Variants in PUS1 observed in about 807,000 individuals in gnomAD.
The protein encoded by PUS1 is pseudouridylate synthase 1 homolog.
In PUS1, 25 loss-of-function variants were observed where a neutral mutation model predicts 38.5. The observed-to-expected ratio is 0.65, with a 90% CI of 0.47 to 0.91. The LOEUF is 0.91. Among genes scored for constraint, PUS1 ranks in the 40% least tolerant of loss-of-function variants. PUS1 has a pLI of 0.00. For synonymous variants in PUS1, 282 were observed against 260.4 expected, an observed-to-expected ratio of 1.08 and a Z score of -0.80; for missense variants, 597 against 612.3, an observed-to-expected ratio of 0.97 and a Z score of 0.26.
In PUS1 at chr12:131,930,042, G is replaced by C. The variant is rs751427304; in HGVS notation, c.210G>C (p.Lys70Asn). The C allele has an allele frequency of 7.6e-6, 11 of 1,453,660 alleles. No homozygotes were observed. Among genetic ancestry groups the C allele is most frequent in the Non-Finnish European group, 1.0e-5 (11 of 1,105,388 alleles). The allele number at this position is 1,453,660 out of a possible 1,614,324, so 90.0% of individuals were successfully genotyped here. The stretch of plus-strand genomic sequence containing the variant: ...GAGAACATCCGGCGAAGAAGCTCAA[G>C]AGCGGTGGCGACGAGGAGCGGCGCG... ...EDGEHPAKKL[K>N]SGGDEERREK... The change falls in exon 2 of 6, where the codon AAG (lysine) becomes AAC (asparagine). Residue 70 changes from lysine to asparagine, a missense_variant. Coordinates refer to ENST00000376649, the MANE Select transcript of PUS1 (RefSeq NM_025215.6).
chr12:131,941,009 G>C lies in PUS1; in HGVS notation c.545-283G>C. 4.0e-6 allele frequency: 2 copies of C among 498,542 alleles called. No individual in the cohort carries two copies. The highest frequency in any genetic ancestry group is 7.3e-6 in the Non-Finnish European group (2 of 274,486). The allele number at this position is 498,542 out of a possible 1,614,324, so 30.9% of individuals were successfully genotyped here. A position where few individuals can be genotyped will look rare whatever the true frequency, so the allele number is the denominator to read the frequency against. On this transcript the variant is annotated intron_variant, in intron 4 of 5. Transcript: ENST00000376649. The surrounding 1 kb of genome is among the most constrained non-coding windows in gnomAD (Gnocchi z 4.4). The stretch of plus-strand genomic sequence containing the variant: ...CACTCCAAGCATGTATCATTTCTTT[G>C]TGTTGGAGACATTCCGTATCTTCTC...
In PUS1 at chr12:131,943,554, G is replaced by A; in HGVS notation, c.1252G>A (p.Glu418Lys). ...TCTTCTGCAGGTGCCCAGTCCCCTG[G>A]AAGGCAGTGAAGGGGACGGAGACAC... ...GTGAKVPSPL[E>K]GSEGDGDTD The change falls in exon 6 of 6, where the codon GAA (glutamate) becomes AAA (lysine). Residue 418 changes from glutamate (E) to lysine (K), a missense_variant. By Grantham distance (56) the Glu-to-Lys change is moderately conservative. Transcript: ENST00000376649. 1 of 1,613,754 alleles carries A rather than the reference G, an allele frequency of 6.2e-7. No individual in the cohort carries two copies. The highest frequency in any genetic ancestry group is 8.5e-7 in the Non-Finnish European group (1 of 1,179,746).
Position 131,941,667 on chromosome 12 carries a change from G to C in PUS1, c.920G>C (p.Gly307Ala), listed in dbSNP as rs746024769. 6.2e-7 allele frequency: 1 copy of C among 1,614,210 alleles called. No individual in the cohort carries two copies. The highest frequency in any genetic ancestry group is 1.1e-5 in the South Asian group (1 of 91,088). ...MVGLVVAIVK[G>A]YAPESVLERS... ...GGCCTGGTGGTGGCCATTGTGAAGG[G>C]TTATGCCCCTGAGAGCGTGCTGGAG... Residue 307 changes from glycine to alanine, a missense_variant, in exon 5 of 6, where the codon GGT becomes GCT. Coordinates refer to ENST00000376649, the MANE Select transcript of PUS1 (RefSeq NM_025215.6). The surrounding 1 kb of genome is among the most constrained non-coding windows in gnomAD (Gnocchi z 4.4).
intron 5 of PUS1, among the ~76,000 whole-genome samples, chr12:131,942,667 A>G (rs1190488222): frequency 1.3e-5 from 2 of 152,144 alleles, no homozygotes; most frequent in Admixed American, 6.5e-5. Context: ...TGGCCTCCCA[A>G]AGTGCTGGGA....
chr12:131,935,758 C>G (rs185123551), intron 3 of PUS1, among the ~76,000 whole-genome samples: 1 of 152,086 alleles, frequency 6.6e-6, no homozygotes, highest in East Asian at 2.0e-4. Context: ...GTCTCGAACT[C>G]CTGACCTTAG....
chr12:131,929,699 G>T lies in PUS1; in HGVS notation c.-24G>T. ...GTCAGGGGTCGGGGATCAGGGCGGG[G>T]TCGGGTGCACTGGTAGCCTGCGCAT... On this transcript the variant is annotated 5_prime_UTR_variant, in exon 1 of 6. Coordinates refer to ENST00000376649, the MANE Select transcript of PUS1 (RefSeq NM_025215.6). 1.3e-6 allele frequency: 2 copies of T among 1,564,212 alleles called. No individual in the cohort carries two copies. Among genetic ancestry groups the T allele is most frequent in the Admixed American group, 3.5e-5 (2 of 56,850 alleles).
Position 131,929,763 on chromosome 12 carries a change from G to T in PUS1, c.41G>T (p.Arg14Leu). Residue 14 changes from arginine (R) to leucine (L), a missense_variant, in exon 1 of 6, where the codon CGG (arginine) becomes CTG (leucine). Transcript: ENST00000376649. ...QLRALLGAFG[R>L]WTLRLGPRPS... ...CGCGCGCTGTTGGGAGCCTTCGGAC[G>T]GTGGACCCTGCGCCTGGGACCGCGT... 2 of 1,592,638 alleles carry T rather than the reference G, an allele frequency of 1.3e-6. No homozygotes were observed. Among genetic ancestry groups the T allele is most frequent in the Non-Finnish European group, 8.5e-7 (1 of 1,176,966 alleles).
chr12:131,935,798 G>A (rs1000940525), intron 3 of PUS1, among the ~76,000 whole-genome samples: 1 of 152,110 alleles, frequency 6.6e-6, no homozygotes, highest in African/African-American at 2.4e-5. Flanking sequence ...CTCCCAAAGT[G>A]CTGGGATTAC....
In PUS1 at chr12:131,939,218, AT is replaced by A; in HGVS notation, c.489del (p.Ile163MetfsTer5). On this transcript the variant is annotated frameshift_variant, in exon 4 of 6. Coordinates refer to ENST00000376649, the MANE Select transcript of PUS1 (RefSeq NM_025215.6). LOFTEE classifies it high-confidence loss of function. ...GQVVSLKVWL[I>X]DDILEKINSH... The stretch of plus-strand genomic sequence containing the variant: ...GGTGGTATCCCTGAAGGTGTGGCTG[AT>A]TGACGACATTCTAGAAAAGATCAAC... 6.4e-7 allele frequency: 1 copy of A among 1,562,494 alleles called. No individual in the cohort carries two copies. Among genetic ancestry groups the A allele is most frequent in the Non-Finnish European group, 8.7e-7 (1 of 1,151,816 alleles).
chr12:131,943,539 G>A lies in PUS1; in HGVS notation c.1237G>A (p.Val413Met), dbSNP rs761914681. The change falls in exon 6 of 6, where the codon GTG becomes ATG. Residue 413 changes from valine to methionine, a missense_variant and splice_region_variant. Val to Met is a conservative substitution (Grantham distance 21). Transcript: ENST00000376649. ...ALTAGGTGAK[V>M]PSPLEGSEGD... is the part of the protein sequence containing the mutation. ...TTCTCCATGTGGTCTTCTTCTGCAG[G>A]TGCCCAGTCCCCTGGAAGGCAGTGA... is the stretch of plus-strand genomic sequence containing the variant. 13 of 1,613,304 alleles carry A rather than the reference G, an allele frequency of 8.1e-6. No homozygotes were observed. Among genetic ancestry groups the A allele is most frequent in the Middle Eastern group, 1.6e-4 (1 of 6,084 alleles).
chr12:131,941,504 G>C lies in PUS1; in HGVS notation c.757G>C (p.Gly253Arg), dbSNP rs191299863. 3 of 1,614,070 alleles carry C rather than the reference G, an allele frequency of 1.9e-6. No individual in the cohort carries two copies. In the East Asian group the frequency reaches 6.7e-5, roughly 36 times the overall value. The change falls in exon 5 of 6, where the codon GGG becomes CGG. Residue 253 changes from glycine (G) to arginine (R), a missense_variant. Gly to Arg is a moderately radical substitution (Grantham distance 125). Transcript: ENST00000376649. This position sits in a 1 kb window ranked among gnomAD's most constrained non-coding sequence, Gnocchi z 4.4. The part of the protein sequence containing the change: ...HNFHNFTSQK[G>R]PQDPSACRYI... ...CTTCCACAATTTCACCTCGCAGAAG[G>C]GGCCGCAGGATCCCAGTGCCTGCCG...
chr12:131,941,568 G>A lies in PUS1; in HGVS notation c.821G>A (p.Arg274Gln), dbSNP rs138561555. Residue 274 changes from arginine (R) to glutamine (Q), a missense_variant, in exon 5 of 6, where the codon CGG becomes CAG. Arg to Gln is a conservative substitution (Grantham distance 43). Coordinates refer to ENST00000376649, the MANE Select transcript of PUS1 (RefSeq NM_025215.6). The surrounding 1 kb of genome is among the most constrained non-coding windows in gnomAD (Gnocchi z 4.4). Reference protein sequence around the residue: ...LEMYCEEPFVREGLEFAVIRV... With the variant: ...LEMYCEEPFVQEGLEFAVIRV... ...ATGTACTGCGAGGAACCCTTTGTGC[G>A]GGAGGGCCTGGAGTTTGCGGTGATC... is the stretch of plus-strand genomic sequence containing the variant. 212 of 1,614,224 alleles carry A rather than the reference G, an allele frequency of 1.3e-4. No homozygotes were observed. Among genetic ancestry groups the A allele is most frequent in the African/African-American group, 1.1e-3 (80 of 75,066 alleles).
In PUS1 at chr12:131,941,702, G is replaced by A. The variant is rs1194309707; in HGVS notation, c.955G>A (p.Gly319Ser). ...TGAGAGCGTGCTGGAGCGCAGCTGG[G>A]GCACAGAGAAGGTGGACGTGCCCAA... ...APESVLERSWGTEKVDVPKAP... is the reference protein window; with the variant it reads ...APESVLERSWSTEKVDVPKAP... Residue 319 changes from glycine to serine, a missense_variant, in exon 5 of 6, where the codon GGC (glycine) becomes AGC (serine). Transcript: ENST00000376649. The surrounding 1 kb of genome is among the most constrained non-coding windows in gnomAD (Gnocchi z 4.4). 7 of 1,614,112 alleles carry A rather than the reference G, an allele frequency of 4.3e-6. No individual in the cohort carries two copies. The Admixed American group carries it at 1.0e-4, about 23-fold the overall frequency.
In PUS1 at chr12:131,929,791, G is replaced by T. The variant is rs770129115; in HGVS notation, c.69G>T (p.Pro23=). Residue 23 remains proline, a synonymous_variant, in exon 1 of 6, where the codon CCG becomes CCT. Coordinates refer to ENST00000376649, the MANE Select transcript of PUS1 (RefSeq NM_025215.6). ...GRWTLRLGPR[P]SCSPRMAGNA... Reference sequence around the variant, plus strand: ...GGACCCTGCGCCTGGGACCGCGTCCGTCCTGGTAATGACCGCGACGCCGGG... The same window carrying T: ...GGACCCTGCGCCTGGGACCGCGTCCTTCCTGGTAATGACCGCGACGCCGGG... The T allele has an allele frequency of 3.2e-6, 5 of 1,587,052 alleles. No individual in the cohort carries two copies. The Admixed American group carries it at 6.8e-5, about 22-fold the overall frequency.
At chr12:131,939,740 C>T (rs766230944) in intron 4 of PUS1, among the ~76,000 whole-genome samples, 1 of 151,756 alleles carries the variant, frequency 6.6e-6, no homozygotes, top group Admixed American at 6.6e-5. Context: ...CTGCAGCCTC[C>T]GCCTCCCGGG....
rs1890470086 is a variant in PUS1 at position 131,929,359 on chromosome 12, A to G, written c.-364A>G. 7.8e-6 allele frequency: 2 copies of G among 255,892 alleles called. No homozygotes were observed. The highest frequency in any genetic ancestry group is 7.4e-6 in the Non-Finnish European group (1 of 134,714). 15.9% of individuals were successfully genotyped at this position (255,892 alleles called of 1,614,324 possible). A position where few individuals can be genotyped will look rare whatever the true frequency, so the allele number is the denominator to read the frequency against. Reference sequence around the variant, plus strand: ...CCGGGTCTCCTCGACTCCTGAGGAAAGCCCACCGGGCGGGGCGGGAGGTGA... The same window carrying G: ...CCGGGTCTCCTCGACTCCTGAGGAAGGCCCACCGGGCGGGGCGGGAGGTGA... On this transcript the variant is annotated 5_prime_UTR_variant, in exon 1 of 6. Coordinates refer to ENST00000376649, the MANE Select transcript of PUS1 (RefSeq NM_025215.6).
intron 2 of PUS1, chr12:131,931,874 A>G: frequency 3.4e-6 from 2 of 595,432 alleles, no homozygotes; most frequent in Non-Finnish European, 6.0e-6. Context: ...AAGTATAGGT[A>G]GCACCCACGG....
rs1890482710 is a variant in PUS1, at chr12:131,929,587, C to T, written c.-136C>T. On this transcript the variant is annotated 5_prime_UTR_variant, in exon 1 of 6. Transcript: ENST00000376649. ...GAGAGGGGCTGGGGCGCCGGTTTCC[C>T]GGAGGTCAGGGGTCAGAAGGAACAG... The T allele has an allele frequency of 1.4e-6, 1 of 729,796 alleles. No individual in the cohort carries two copies. The highest frequency in any genetic ancestry group is 2.0e-6 in the Non-Finnish European group (1 of 488,206). 45.2% of individuals were successfully genotyped at this position (729,796 alleles called of 1,614,324 possible).
At chr12:131,934,363 C>G (rs1890735458) in intron 3 of PUS1, among the ~76,000 whole-genome samples, 1 of 152,192 alleles carries the variant, frequency 6.6e-6, no homozygotes, top group African/African-American at 2.4e-5. Flanking sequence ...TTCCCAGGCA[C>G]TGGCGCTACC....
Sources: gnomAD v4.1 joint callset for allele counts (sites outside exome capture counted in the v4.1 genomes callset) on GRCh38, gnomAD v4.1.1 for gene constraint, Gnocchi (gnomAD v3.1) non-coding constraint, MANE v1.5 for transcripts, NCBI Gene and HGNC (gene_info 2026-07-23, HGNC 2026-07-21) for gene names.